The following KCTD2 variants were observed in gnomAD, a reference collection of about 807,000 sequenced individuals.
KCTD2 encodes the protein potassium channel tetramerization domain containing 2.
In KCTD2, 18 loss-of-function variants were observed where a neutral mutation model predicts 27.9. The observed-to-expected ratio is 0.64, with a 90% CI of 0.45 to 0.96. The LOEUF (loss-of-function observed/expected upper bound fraction) is 0.96, where lower values mean the gene tolerates loss of function less well. KCTD2 is among the 40% of genes least tolerant of loss of function. The probability of loss-of-function intolerance (pLI) is 0.00; values close to 1 mark genes in which losing one functional copy is unlikely to be tolerated. For synonymous variants in KCTD2, 175 were observed against 148.4 expected, an observed-to-expected ratio of 1.18 and a Z score of -1.30; for missense variants, 280 against 348.0, an observed-to-expected ratio of 0.80 and a Z score of 1.56.
At chr17:75,053,895 C>T (rs1598124486) in intron 3 of KCTD2, among the ~76,000 whole-genome samples, 1 of 105,334 alleles carries the variant, frequency 9.5e-6, no homozygotes, top group African/African-American at 4.5e-5. Context: ...GAGACAGAGT[C>T]TCACTCTCTC....
chr17:75,051,783 C>T (rs2073291125), intron 2 of KCTD2, among the ~76,000 whole-genome samples: 2 of 152,098 alleles, frequency 1.3e-5, no homozygotes, highest in Non-Finnish European at 1.5e-5. Flanking sequence ...AGTTATCAAA[C>T]TCAGGAAATT....
At chr17:75,053,521 A>G (rs923632168) in intron 3 of KCTD2, among the ~76,000 whole-genome samples, 1 of 151,644 alleles carries the variant, frequency 6.6e-6, no homozygotes, top group African/African-American at 2.4e-5. Context: ...GCTCACTGCA[A>G]CCTCTGCCTC....
intron 3 of KCTD2, among the ~76,000 whole-genome samples, chr17:75,057,151 C>G (rs576817490): frequency 5.9e-5 from 9 of 151,704 alleles, no homozygotes; most frequent in Non-Finnish European, 1.2e-4. Flanking sequence ...ACAGGGTATC[C>G]CCATGTTGGC....
rs773754416 is a variant in KCTD2 at position 75,049,192 on chromosome 17, C to A, written c.340-28C>A. Reference sequence around the variant, plus strand: ...GTTTAAAATACTCCTCAAAGGTCCACAATGATACCCTTGTGTTTGGTTGGC... The same window carrying A: ...GTTTAAAATACTCCTCAAAGGTCCAAAATGATACCCTTGTGTTTGGTTGGC... On this transcript the variant is annotated intron_variant, in intron 1 of 5. Transcript: ENST00000322444. 49 of 1,410,650 alleles carry A rather than the reference C, an allele frequency of 3.5e-5. No homozygotes were observed. The South Asian group carries it at 4.3e-4, about 12-fold the overall frequency. 87.4% of individuals were successfully genotyped at this position (1,410,650 alleles called of 1,614,324 possible).
In KCTD2 at chr17:75,053,029, C is replaced by A; in HGVS notation, c.464C>A (p.Ala155Glu). The change falls in exon 3 of 6, where the codon GCG (alanine) becomes GAG (glutamate). Residue 155 changes from alanine (A) to glutamate (E), a missense_variant. Transcript: ENST00000322444. ...CTTGTTCCAGGTGTGCTGGAGGAAGCGGAGTTTTACAACATCGCGTCCCTT... is the reference window on the plus strand; with the variant it reads ...CTTGTTCCAGGTGTGCTGGAGGAAGAGGAGTTTTACAACATCGCGTCCCTT... ...ELAEEGVLEEAEFYNIASLVR... is the reference protein window; with the variant it reads ...ELAEEGVLEEEEFYNIASLVR... The A allele has an allele frequency of 6.2e-7, 1 of 1,614,038 alleles. No homozygotes were observed. The highest frequency in any genetic ancestry group is 8.5e-7 in the Non-Finnish European group (1 of 1,179,904).
At chr17:75,055,259 T>C (rs1343345195) in intron 3 of KCTD2, among the ~76,000 whole-genome samples, 1 of 151,942 alleles carries the variant, frequency 6.6e-6, no homozygotes, top group Non-Finnish European at 1.5e-5. Context: ...TTCGCCATAT[T>C]GACCAGGCTG....
intron 3 of KCTD2, among the ~76,000 whole-genome samples, chr17:75,057,368 C>T (rs2073360308): frequency 6.6e-6 from 1 of 152,118 alleles, no homozygotes; most frequent in Non-Finnish European, 1.5e-5. Flanking sequence ...ATCTTAAATA[C>T]CTGGGACTTT....
At chr17:75,043,095 G>A (rs951214174), upstream of KCTD2, among the ~76,000 whole-genome samples, 8 of 151,290 alleles carry the variant, frequency 5.3e-5, no homozygotes, top group Middle Eastern at 3.5e-3. Context: ...GGTGGCCCGC[G>A]CCATAATCCC....
intron 5 of KCTD2, among the ~76,000 whole-genome samples, chr17:75,062,722 A>ACACACACACACACACACACAC (rs2073417160): frequency 6.6e-6 from 1 of 150,832 alleles, no homozygotes; most frequent in Non-Finnish European, 1.5e-5. Flanking sequence ...ACACACACAC[A>ACACACACACACACACACACAC]CACACACACA....
chr17:75,033,902 C>G (rs1472818083), intron 1 of KCTD2: 1 of 152,308 alleles, frequency 6.6e-6, no homozygotes, highest in African/African-American at 2.4e-5. Flanking sequence ...GCCACGTGCC[C>G]CAAGCCCCAG....
chr17:75,042,810 G>T, upstream of KCTD2: 1 of 808,676 alleles, frequency 1.2e-6, no homozygotes, highest in Non-Finnish European at 1.9e-6. Flanking sequence ...GAACCCAGGA[G>T]GTGGAGGTTG....
Position 75,047,387 on chromosome 17 carries a change from G to A in KCTD2, c.137G>A (p.Arg46His). The part of the protein sequence containing the change: ...PAGPTPRGHG[R>H]PAAAVAQPLE... The stretch of plus-strand genomic sequence containing the variant: ...GGCCCCACGCCCCGCGGGCACGGCC[G>A]CCCGGCTGCCGCCGTCGCGCAGCCG... Residue 46 changes from arginine (R) to histidine (H), a missense_variant, in exon 1 of 6, where the codon CGC (arginine) becomes CAC (histidine). Coordinates refer to ENST00000322444, the MANE Select transcript of KCTD2 (RefSeq NM_015353.3). The A allele has an allele frequency of 8.8e-7, 1 of 1,141,324 alleles. No individual in the cohort carries two copies. The highest frequency in any genetic ancestry group is 1.1e-6 in the Non-Finnish European group (1 of 931,222). The allele number at this position is 1,141,324 out of a possible 1,614,324, so 70.7% of individuals were successfully genotyped here.
intron 3 of KCTD2, among the ~76,000 whole-genome samples, chr17:75,056,952 C>CTTTTTTTTTTTTTTTTTTTTTTTTTT (rs35875644): frequency 5.6e-5 from 6 of 107,992 alleles, no homozygotes; most frequent in Non-Finnish European, 5.4e-5. Flanking sequence ...TTTCTTTTTT[C>CTTTTTTTTTTTTTTTTTTTTTTTTTT]TTTTTTTTTT....
At chr17:75,059,708 T>A in intron 4 of KCTD2, 103 bp downstream of exon 4, 1 of 841,018 alleles carries the variant, frequency 1.2e-6, no homozygotes, top group Non-Finnish European at 1.9e-6. Flanking sequence ...GGGAGACGGC[T>A]ACGGCCAGGT....
Position 75,063,113 on chromosome 17 carries a change from C to T in KCTD2, c.*66C>T. ...AGCAGAGCCCCTCTGTGAAGTGAAA[C>T]CTCACTCCTGTCCAGTGACCGAGCC... On this transcript the variant is annotated 3_prime_UTR_variant, in exon 6 of 6. Transcript: ENST00000322444. 1 of 1,463,520 alleles carries T rather than the reference C, an allele frequency of 6.8e-7. No homozygotes were observed. The highest frequency in any genetic ancestry group is 1.2e-5 in the South Asian group (1 of 86,778). The allele number at this position is 1,463,520 out of a possible 1,614,324, so 90.7% of individuals were successfully genotyped here.
chr17:75,035,258 A>G (rs1039385397), exon 3 of KCTD2: 10 of 152,130 alleles, frequency 6.6e-5, no homozygotes, highest in Admixed American at 3.3e-4. Flanking sequence ...CAATCCCTCC[A>G]CACCGCGGCT....
intron 2 of KCTD2, among the ~76,000 whole-genome samples, chr17:75,051,128 C>T (rs1050115787): frequency 9.9e-5 from 15 of 151,734 alleles, no homozygotes; most frequent in Non-Finnish European, 2.9e-5. Flanking sequence ...CGCCCACCAC[C>T]ACACCCAGTT....
chr17:75,038,143 C>T (rs2073121865), intron 3 of KCTD2, among the ~76,000 whole-genome samples: 1 of 151,528 alleles, frequency 6.6e-6, no homozygotes, highest in Admixed American at 6.6e-5. Flanking sequence ...TTTTTAGAGG[C>T]AAAGTCTCGC....
chr17:75,039,022 G>A (rs888362442), intron 3 of KCTD2: 19 of 1,614,012 alleles, frequency 1.2e-5, no homozygotes, highest in Non-Finnish European at 1.6e-5. Context: ...AGTCCTCAAT[G>A]GTCATCTGAT....
Sources: allele counts gnomAD v4.1 joint callset (sites outside exome capture counted in the v4.1 genomes callset), GRCh38; gene constraint gnomAD v4.1.1; transcripts MANE v1.5; gene names NCBI Gene and HGNC (gene_info 2026-07-23, HGNC 2026-07-21).